Variants in SMARCB1 observed in about 807,000 individuals in gnomAD.
SMARCB1 encodes the protein SWI/SNF-related matrix-associated actin-dependent regulator of chromatin subfamily B member 1.
In SMARCB1, 5 loss-of-function variants were observed where a neutral mutation model predicts 49.0. The observed-to-expected ratio is 0.10, with a 90% CI of 0.05 to 0.21. SMARCB1 has a LOEUF of 0.21. Among genes scored for constraint, SMARCB1 ranks in the 10% least tolerant of loss-of-function variants. The probability of loss-of-function intolerance (pLI) is 1.00; values close to 1 mark genes in which losing one functional copy is unlikely to be tolerated. For missense variants in SMARCB1, 226 were observed against 509.2 expected (o/e 0.44, Z 5.35); for synonymous variants, 201 against 200.1 (o/e 1.00, Z -0.04).
Position 23,834,861 on chromosome 22 carries a change from G to A in SMARCB1, c.*681G>A, listed in dbSNP as rs1247904230. 7 of 1,612,478 alleles carry A rather than the reference G, an allele frequency of 4.3e-6. No homozygotes were observed. Among genetic ancestry groups the A allele is most frequent in the Non-Finnish European group, 5.9e-6 (7 of 1,179,794 alleles). On this transcript the variant is annotated 3_prime_UTR_variant, in exon 9 of 9. Coordinates refer to ENST00000644036, the MANE Select transcript of SMARCB1 (RefSeq NM_003073.5). The stretch of plus-strand genomic sequence containing the variant: ...TGCCGCGAGCTCTCCTGCCGTCCCT[G>A]GGCCGCCCTGGCTCTGCTGTGTCCA...
intron 6 of SMARCB1, among the ~76,000 whole-genome samples, chr22:23,820,503 G>A (rs1245853749): frequency 6.6e-6 from 1 of 152,228 alleles, no homozygotes; most frequent in East Asian, 1.9e-4. Context: ...GAGCCCGGGA[G>A]GCGGAGGTTG....
intron 5 of SMARCB1, chr22:23,803,742 T>C: frequency 2.4e-6 from 1 of 420,858 alleles, no homozygotes; most frequent in Non-Finnish European, 4.5e-6. Flanking sequence ...CCCCGAGCCC[T>C]GCACACACCT....
At chr22:23,812,356 C>A (rs959297594) in intron 5 of SMARCB1, among the ~76,000 whole-genome samples, 1 of 152,124 alleles carries the variant, frequency 6.6e-6, no homozygotes, top group Admixed American at 6.6e-5. Context: ...AAAAAAATCT[C>A]TGGGCCCATA....
Position 23,833,611 on chromosome 22 carries a change from C to T in SMARCB1, c.1026C>T (p.Asn342=), listed in dbSNP as rs772366535. 1.9e-6 allele frequency: 3 copies of T among 1,614,230 alleles called. No individual in the cohort carries two copies. The South Asian group carries it at 3.3e-5, about 18-fold the overall frequency. The stretch of plus-strand genomic sequence containing the variant: ...CCACAGTGGAGATTGCCATCCGGAA[C>T]ACGGGCGATGCGGACCAGTGGTGCC... The part of the protein sequence containing the change: ...PLPTVEIAIR[N]TGDADQWCPL... Residue 342 remains asparagine, a synonymous_variant, in exon 8 of 9, where the codon AAC becomes AAT. Transcript: ENST00000644036.
chr22:23,793,448 T>C (rs1928530880), intron 2 of SMARCB1, 111 bp from the exon 3 acceptor site: 2 of 1,147,562 alleles, frequency 1.7e-6, no homozygotes, highest in Non-Finnish European at 2.6e-6. Context: ...TTTGACACCT[T>C]GCTTTTCCCA....
At position 23,800,822 on chromosome 22, in the gene SMARCB1, C is replaced by G. The variant is rs547189170; in HGVS notation, c.363-122C>G. On this transcript the variant is annotated intron_variant, in intron 3 of 8. Transcript: ENST00000644036. ...CCTGCAAAGTCAGGTGCACAGACAA[C>G]TCCCATGGGAGCCTCGAGCCTGACA... 7 of 841,180 alleles carry G rather than the reference C, an allele frequency of 8.3e-6. No individual in the cohort carries two copies. In the East Asian group the frequency reaches 1.7e-4, roughly 20 times the overall value. The allele number at this position is 841,180 out of a possible 1,614,324, so 52.1% of individuals were successfully genotyped here.
In SMARCB1 at chr22:23,833,370, A is replaced by G. The variant is rs76247778; in HGVS notation, c.987-202A>G. On this transcript the variant is annotated intron_variant, in intron 7 of 8. Transcript: ENST00000644036. ...GAAAGTTCACTTTGAAGGGAAGCCCATGGGGTCATGGCGACAACACTTGTT... is the reference window on the plus strand; with the variant it reads ...GAAAGTTCACTTTGAAGGGAAGCCCGTGGGGTCATGGCGACAACACTTGTT... Among the ~76,000 whole-genome samples, 289 of 152,298 alleles carry G rather than the reference A, an allele frequency of 1.9e-3. 1 individual carries two copies. The highest frequency in any genetic ancestry group is 3.0e-3 in the Non-Finnish European group (203 of 68,020).
chr22:23,799,080 C>T (rs573826287), intron 3 of SMARCB1, among the ~76,000 whole-genome samples: 32 of 150,686 alleles, frequency 2.1e-4, no homozygotes, highest in Non-Finnish European at 3.7e-4. Flanking sequence ...TTTGTCATGA[C>T]TTGCTCTGAA....
Position 23,803,152 on chromosome 22 carries a change from C to G in SMARCB1, c.501-143C>G. 2.7e-6 allele frequency: 3 copies of G among 1,096,132 alleles called. No homozygotes were observed. The South Asian group carries it at 3.8e-5, about 14-fold the overall frequency. The allele number at this position is 1,096,132 out of a possible 1,614,324, so 67.9% of individuals were successfully genotyped here. On this transcript the variant is annotated intron_variant, in intron 4 of 8. Coordinates refer to ENST00000644036, the MANE Select transcript of SMARCB1 (RefSeq NM_003073.5). ...GCCCCGGGACCCCTGCTAGCCTCGT[C>G]TGCTGCCTCAGCTGTTAGCTGACAA...
Position 23,787,235 on chromosome 22 carries a change from C to G in SMARCB1, c.66C>G (p.Asp22Glu). The change falls in exon 1 of 9, where the codon GAC becomes GAG. Residue 22 changes from aspartate to glutamate, a missense_variant. Asp to Glu is a conservative substitution (Grantham distance 45, BLOSUM62 2). Transcript: ENST00000644036. ...CCGTGAAGTTCCAGCTGGAGGACGA[C>G]GGCGAGTTCTACATGATCGGCTCCG... is the stretch of plus-strand genomic sequence containing the variant. ...QKPVKFQLED[D>E]GEFYMIGSEV... The G allele has an allele frequency of 6.2e-7, 1 of 1,606,632 alleles. No homozygotes were observed. The highest frequency in any genetic ancestry group is 8.5e-7 in the Non-Finnish European group (1 of 1,175,458).
rs1206607946 is a variant in SMARCB1, at chr22:23,834,147, G to A, written c.1125G>A (p.Met375Ile). Residue 375 changes from methionine (M) to isoleucine (I), a missense_variant, in exon 9 of 9, where the codon ATG (methionine) becomes ATA (isoleucine). This residue lies in a region of SMARCB1 where 15 missense variants were observed against 17.0 expected (regional missense o/e 0.88). Transcript: ENST00000644036. ...IRDQDRNTRRMRRLANTAPAW is the reference protein window; with the variant it reads ...IRDQDRNTRRIRRLANTAPAW ...CTCCCCACTCCTCTTCCAGGCGGAT[G>A]AGGCGTCTTGCCAACACGGCCCCGG... is the stretch of plus-strand genomic sequence containing the variant. 1.9e-6 allele frequency: 3 copies of A among 1,592,472 alleles called. No individual in the cohort carries two copies. Among genetic ancestry groups the A allele is most frequent in the East Asian group, 4.6e-5 (2 of 43,418 alleles).
intron 7 of SMARCB1, 129 bp from the exon 8 acceptor site, chr22:23,833,443 C>T: frequency 7.6e-7 from 1 of 1,319,326 alleles, no homozygotes; most frequent in Non-Finnish European, 1.1e-6. Context: ...GTTCAGGTGA[C>T]TGGAGCATCC....
chr22:23,795,605 G>A (rs962995118), intron 3 of SMARCB1, among the ~76,000 whole-genome samples: 2 of 151,830 alleles, frequency 1.3e-5, no homozygotes, highest in Non-Finnish European at 2.9e-5. Context: ...GCGGTGAGCC[G>A]AGGTTGCGCC....
intron 6 of SMARCB1, among the ~76,000 whole-genome samples, chr22:23,822,545 G>A (rs2030148039): frequency 1.3e-5 from 2 of 152,094 alleles, no homozygotes; most frequent in South Asian, 4.1e-4. Flanking sequence ...CATGTCTCTT[G>A]TCTGCCCAAA....
chr22:23,816,973 G>T, intron 6 of SMARCB1, 37 bp downstream of exon 6: 1 of 1,586,872 alleles, frequency 6.3e-7, no homozygotes, highest in South Asian at 1.1e-5. Context: ...AGCCTTCCTG[G>T]CCCTCAGGGT....
chr22:23,836,813 G>T lies in SMARCB1; in HGVS notation c.*2633G>T. ...TGGGTTTTTTCTGCCCCAAGTAGGGGTCATGGGTAGGATGGAAGCTGCCAG... is the reference window on the plus strand; with the variant it reads ...TGGGTTTTTTCTGCCCCAAGTAGGGTTCATGGGTAGGATGGAAGCTGCCAG... On this transcript the variant is annotated 3_prime_UTR_variant, in exon 9 of 9. Coordinates refer to ENST00000644036, the MANE Select transcript of SMARCB1 (RefSeq NM_003073.5). The T allele has an allele frequency of 7.0e-7, 1 of 1,432,404 alleles. No homozygotes were observed. The highest frequency in any genetic ancestry group is 3.0e-5 in the Admixed American group (1 of 32,954). The allele number at this position is 1,432,404 out of a possible 1,614,324, so 88.7% of individuals were successfully genotyped here. A position where few individuals can be genotyped will look rare whatever the true frequency, so the allele number is the denominator to read the frequency against.
chr22:23,824,859 C>T, intron 6 of SMARCB1: 1 of 359,574 alleles, frequency 2.8e-6, no homozygotes, highest in South Asian at 2.8e-5. Context: ...TGAGCCCTGC[C>T]TTTCTGGTGT....
chr22:23,791,877 CAA>C lies in SMARCB1; in HGVS notation c.218_219del (p.Lys73ThrfsTer2), dbSNP rs774141517. 1 of 1,614,148 alleles carries C rather than the reference CAA, an allele frequency of 6.2e-7. No individual in the cohort carries two copies. The highest frequency in any genetic ancestry group is 8.5e-7 in the Non-Finnish European group (1 of 1,179,950). ...GTTGCATCGTCACATGGTAAAAAAA[CAA>C]AACCTAACACTAAGGGTGCGTCTTC... On this transcript the variant is annotated frameshift_variant, in exon 2 of 9. Transcript: ENST00000644036. LOFTEE classifies it high-confidence loss of function.
chr22:23,808,697 T>G (rs892377968), intron 5 of SMARCB1, among the ~76,000 whole-genome samples: 3 of 148,838 alleles, frequency 2.0e-5, no homozygotes, highest in African/African-American at 7.5e-5. Context: ...TATTGGACAT[T>G]CTTTTTTTTT....
Sources: allele counts gnomAD v4.1 joint callset (sites outside exome capture counted in the v4.1 genomes callset), GRCh38; gene constraint gnomAD v4.1.1; regional missense constraint gnomAD v4.1.1; transcripts MANE v1.5; gene names NCBI Gene and HGNC (gene_info 2026-07-23, HGNC 2026-07-21).